The following BTBD10 variants were observed in gnomAD, a reference collection of about 807,000 sequenced individuals.
BTBD10 encodes BTB/POZ domain-containing protein 10.
In BTBD10, 21 loss-of-function variants were observed where a neutral mutation model predicts 53.2. That is an observed-to-expected ratio of 0.39 (90% confidence interval 0.28 to 0.57). The LOEUF is 0.57. Among genes scored for constraint, BTBD10 ranks in the 20% least tolerant of loss-of-function variants. The pLI, the probability that BTBD10 is intolerant of heterozygous loss-of-function variation, is 0.53. For missense variants in BTBD10, 360 were observed against 594.7 expected, an observed-to-expected ratio of 0.61 and a Z score of 4.10; for synonymous variants, 149 against 192.7, an observed-to-expected ratio of 0.77 and a Z score of 1.88.
chr11:13,393,409 T>G (rs1347970486), intron 8 of BTBD10, among the ~76,000 whole-genome samples: 1 of 152,154 alleles, frequency 6.6e-6, no homozygotes, highest in Non-Finnish European at 1.5e-5. Context: ...GGACTTGGGA[T>G]TGGTATGGCA....
intron 1 of BTBD10, among the ~76,000 whole-genome samples, chr11:13,448,718 G>T (rs1384497645): frequency 2.6e-5 from 4 of 152,038 alleles, no homozygotes; most frequent in Non-Finnish European, 4.4e-5. Flanking sequence ...TTCCTTACTA[G>T]CTTTGCTGTA....
intron 1 of BTBD10, among the ~76,000 whole-genome samples, chr11:13,451,250 G>T (rs1457981747): frequency 2.6e-5 from 4 of 152,120 alleles, no homozygotes; most frequent in African/African-American, 9.7e-5. Flanking sequence ...AAGCTGCATG[G>T]CATGAGACAT....
At chr11:13,412,538 G>A (rs1949981703) in intron 6 of BTBD10, among the ~76,000 whole-genome samples, 1 of 152,100 alleles carries the variant, frequency 6.6e-6, no homozygotes, top group Admixed American at 6.5e-5. Flanking sequence ...ACAATCTATT[G>A]GACAATCTAT....
At chr11:13,445,921 T>C (rs1950742452) in intron 1 of BTBD10, among the ~76,000 whole-genome samples, 1 of 152,140 alleles carries the variant, frequency 6.6e-6, no homozygotes, top group African/African-American at 2.4e-5. Context: ...CACAATCACC[T>C]TGCAAGGTAG....
chr11:13,398,440 G>A (rs1203099454), intron 8 of BTBD10, among the ~76,000 whole-genome samples: 1 of 152,102 alleles, frequency 6.6e-6, no homozygotes, highest in Non-Finnish European at 1.5e-5. Context: ...GTGTGTCTCT[G>A]CATGTGAGAT....
At chr11:13,421,593 A>C in intron 3 of BTBD10, 49 bp downstream of exon 3, 3 of 1,470,186 alleles carry the variant, frequency 2.0e-6, no homozygotes, top group African/African-American at 1.4e-5. Flanking sequence ...TTAAAAAGGT[A>C]AATGCATGTT....
At chr11:13,419,821 G>A in intron 3 of BTBD10, 76 bp from the exon 4 acceptor site, 2 of 1,264,414 alleles carry the variant, frequency 1.6e-6, no homozygotes, top group South Asian at 3.1e-5. Context: ...CTTTTTAAAT[G>A]TTTGATTTAT....
At chr11:13,389,648 G>A (rs1453020325) in intron 8 of BTBD10, among the ~76,000 whole-genome samples, 6 of 152,142 alleles carry the variant, frequency 3.9e-5, no homozygotes, top group South Asian at 2.1e-4. Flanking sequence ...GGCTGGTCTC[G>A]AACTCCTGAC....
At chr11:13,432,416 C>T (rs1034320210) in intron 2 of BTBD10, among the ~76,000 whole-genome samples, 29 of 152,070 alleles carry the variant, frequency 1.9e-4, no homozygotes, top group African/African-American at 5.1e-4. Flanking sequence ...ATTGTACTCA[C>T]GTCAGTTTCC....
chr11:13,449,820 T>C (rs956731494), intron 1 of BTBD10, among the ~76,000 whole-genome samples: 1 of 152,186 alleles, frequency 6.6e-6, no homozygotes, highest in Non-Finnish European at 1.5e-5. Context: ...TAACCAGCTC[T>C]CTTGATAACT....
chr11:13,442,119 T>C (rs776331721), intron 2 of BTBD10, among the ~76,000 whole-genome samples: 2 of 152,158 alleles, frequency 1.3e-5, no homozygotes, highest in Non-Finnish European at 2.9e-5. Flanking sequence ...GCACCCGCCA[T>C]TGCCTATCTC....
At chr11:13,399,801 C>T (rs1232375473) in intron 8 of BTBD10, among the ~76,000 whole-genome samples, 1 of 152,186 alleles carries the variant, frequency 6.6e-6, no homozygotes, top group Non-Finnish European at 1.5e-5. Context: ...TTGGAGTTTA[C>T]TGGAGGTCCA....
chr11:13,427,731 A>C (rs1471608937), intron 2 of BTBD10, among the ~76,000 whole-genome samples: 2 of 152,218 alleles, frequency 1.3e-5, no homozygotes, highest in East Asian at 3.8e-4. Context: ...TGGGCAATAA[A>C]ACAAGTATCA....
intron 6 of BTBD10, among the ~76,000 whole-genome samples, chr11:13,409,561 C>CT (rs1157962987): frequency 4.6e-5 from 7 of 152,014 alleles, no homozygotes; most frequent in Non-Finnish European, 8.8e-5. Flanking sequence ...CAACATTTGC[C>CT]TTTTTTTGAG....
intron 2 of BTBD10, among the ~76,000 whole-genome samples, chr11:13,431,085 C>T (rs1335854815): frequency 6.6e-6 from 1 of 151,490 alleles, no homozygotes; most frequent in East Asian, 1.9e-4. Flanking sequence ...AAATAGAAAA[C>T]AACTACTTAG....
intron 1 of BTBD10, among the ~76,000 whole-genome samples, chr11:13,446,862 A>G (rs1484360854): frequency 6.6e-6 from 1 of 152,170 alleles, no homozygotes; most frequent in Non-Finnish European, 1.5e-5. Context: ...ATTTTACTTT[A>G]TGACTAGTTA....
intron 7 of BTBD10, among the ~76,000 whole-genome samples, chr11:13,403,909 A>G (rs932195014): frequency 6.6e-6 from 1 of 152,180 alleles, no homozygotes; most frequent in African/African-American, 2.4e-5. Context: ...CATTCCACTG[A>G]CAACATGTTG....
chr11:13,424,771 A>G (rs1565251914), intron 2 of BTBD10, among the ~76,000 whole-genome samples: 1 of 152,230 alleles, frequency 6.6e-6, no homozygotes, highest in South Asian at 2.1e-4. Context: ...AGGAAACAAC[A>G]GTCTGCAAGA....
chr11:13,431,918 G>A (rs767567666), intron 2 of BTBD10, among the ~76,000 whole-genome samples: 2 of 151,844 alleles, frequency 1.3e-5, no homozygotes, highest in Non-Finnish European at 2.9e-5. Context: ...TAATTAATAC[G>A]TACAGAGTTT....
Sources: gnomAD v4.1 joint callset for allele counts (sites outside exome capture counted in the v4.1 genomes callset) on GRCh38, gnomAD v4.1.1 for gene constraint, MANE v1.5 for transcripts, NCBI Gene and HGNC (gene_info 2026-07-23, HGNC 2026-07-21) for gene names.